Variants in CMIP observed in about 807,000 individuals in gnomAD.
CMIP encodes the protein c-Maf inducing protein.
CMIP carries 13 observed loss-of-function variants against 97.3 expected under a neutral mutation model. That is an observed-to-expected ratio of 0.13 (90% CI 0.09 to 0.21). CMIP has a LOEUF of 0.21. CMIP is among the 10% of genes least tolerant of loss of function. CMIP has a pLI of 1.00. For synonymous variants in CMIP, 538 were observed against 436.3 expected (o/e 1.23, Z -2.91); for missense variants, 847 against 1,024.9 (o/e 0.83, Z 2.37).
In CMIP at chr16:81,603,502, A is replaced by C. The variant is rs1374904043; in HGVS notation, c.301-4065A>C. 8.8e-6 allele frequency: 4 copies of C among 453,036 alleles called. No homozygotes were observed. The East Asian group carries it at 2.8e-4, about 31-fold the overall frequency. 28.1% of individuals were successfully genotyped at this position (453,036 alleles called of 1,614,324 possible). Reference sequence around the variant, plus strand: ...CTGCTTCCCCAGCTGCTAGTATCTTAGTCTGTGGGCTGCGTTTGTCACAAC... The same window carrying C: ...CTGCTTCCCCAGCTGCTAGTATCTTCGTCTGTGGGCTGCGTTTGTCACAAC... On this transcript the variant is annotated intron_variant, in intron 1 of 20. Coordinates refer to ENST00000537098, the MANE Select transcript of CMIP (RefSeq NM_198390.3).
At chr16:81,705,423 TC>T (rs1908019811) in intron 18 of CMIP, 75 bp from the exon 19 acceptor site, 1 of 1,087,970 alleles carries the variant, frequency 9.2e-7, no homozygotes, top group Non-Finnish European at 1.4e-6. Context: ...ATCCCTTTCC[TC>T]CACCTCTGCC....
chr16:81,606,288 A>C (rs1369918198), intron 1 of CMIP, among the ~76,000 whole-genome samples: 1 of 152,208 alleles, frequency 6.6e-6, no homozygotes, highest in African/African-American at 2.4e-5. Context: ...GATGACCTTG[A>C]TACCTGTTCC....
At chr16:81,531,615 G>A (rs969542515) in intron 1 of CMIP, among the ~76,000 whole-genome samples, 9 of 152,228 alleles carry the variant, frequency 5.9e-5, no homozygotes, top group African/African-American at 1.2e-4. Flanking sequence ...GGCTTGAGGA[G>A]GCTCGGGCCA....
chr16:81,525,064 G>C (rs982572787), intron 1 of CMIP, among the ~76,000 whole-genome samples: 2 of 151,984 alleles, frequency 1.3e-5, no homozygotes, highest in Admixed American at 1.3e-4. Context: ...CCAAAGTACT[G>C]GGATTACAGG....
chr16:81,695,537 C>G (rs902528033), intron 13 of CMIP: 2 of 152,246 alleles, frequency 1.3e-5, no homozygotes, highest in African/African-American at 4.8e-5. Context: ...AGGAACTTCT[C>G]TCAGCTTTCT....
chr16:81,522,142 C>T (rs986911402), intron 1 of CMIP, among the ~76,000 whole-genome samples: 1 of 152,202 alleles, frequency 6.6e-6, no homozygotes, highest in Admixed American at 6.5e-5. Flanking sequence ...ATCTTTGCTT[C>T]TAGCTGGAAT....
chr16:81,445,404 C>G lies in CMIP; in HGVS notation c.163C>G (p.Leu55Val). The stretch of plus-strand genomic sequence containing the variant: ...TTGCAACGGGATGAGGTACAAACTG[C>G]TGCAGGAGGGCGACATTCAGGTCTG... ...LLCNGMRYKL[L>V]QEGDIQVCVI... The change falls in exon 1 of 21, where the codon CTG (leucine) becomes GTG (valine). Residue 55 changes from leucine to valine, a missense_variant. Transcript: ENST00000537098. 1.2e-6 allele frequency: 2 copies of G among 1,602,978 alleles called. No individual in the cohort carries two copies. Among genetic ancestry groups the G allele is most frequent in the Non-Finnish European group, 1.7e-6 (2 of 1,175,038 alleles).
chr16:81,694,408 G>A (rs1906464723), intron 13 of CMIP, among the ~76,000 whole-genome samples: 1 of 152,228 alleles, frequency 6.6e-6, no homozygotes, highest in Non-Finnish European at 1.5e-5. Flanking sequence ...GCTTCCTGGA[G>A]AAGGTGGTAC....
In CMIP at chr16:81,444,948, C is replaced by T. The variant is rs1010828923; in HGVS notation, c.-294C>T. Reference sequence around the variant, plus strand: ...GCGCCTGGCCCCGGCCCGCCCTCGGCCTCCCCCGCCCCTCCCCGTCGCCCG... The same window carrying T: ...GCGCCTGGCCCCGGCCCGCCCTCGGTCTCCCCCGCCCCTCCCCGTCGCCCG... On this transcript the variant is annotated 5_prime_UTR_variant, in exon 1 of 21. Coordinates refer to ENST00000537098, the MANE Select transcript of CMIP (RefSeq NM_198390.3). Among the ~76,000 whole-genome samples the T allele has an allele frequency of 3.7e-5, 5 of 135,954 alleles. No individual in the cohort carries two copies. The highest frequency in any genetic ancestry group is 1.3e-4 in the African/African-American group (5 of 37,738). The allele number at this position is 135,954 out of a possible 152,430, so 89.2% of individuals were successfully genotyped here. A position where few individuals can be genotyped will look rare whatever the true frequency, so the allele number is the denominator to read the frequency against.
chr16:81,689,310 C>A (rs1905788109), intron 10 of CMIP, among the ~76,000 whole-genome samples: 1 of 152,214 alleles, frequency 6.6e-6, no homozygotes, highest in Non-Finnish European at 1.5e-5. Context: ...CACATCCTCT[C>A]CAGCACCTGT....
At chr16:81,645,591 T>A (rs1253598395) in intron 3 of CMIP, 4 of 1,536,020 alleles carry the variant, frequency 2.6e-6, no homozygotes, top group Non-Finnish European at 3.5e-6. Context: ...ATGGCAAGTG[T>A]TGCCCAGGTA....
At chr16:81,626,972 G>T (rs2092080651) in intron 3 of CMIP, among the ~76,000 whole-genome samples, 1 of 149,886 alleles carries the variant, frequency 6.7e-6, no homozygotes, top group South Asian at 2.1e-4. Flanking sequence ...TGTGGCATAT[G>T]GGGCGACTAT....
chr16:81,467,050 C>T (rs927986580), intron 1 of CMIP, among the ~76,000 whole-genome samples: 5 of 152,230 alleles, frequency 3.3e-5, no homozygotes, highest in African/African-American at 4.8e-5. Context: ...TGTCCATCCT[C>T]GCTGGGCAGG....
chr16:81,674,282 G>A (rs1408822432), intron 9 of CMIP, among the ~76,000 whole-genome samples: 1 of 152,196 alleles, frequency 6.6e-6, no homozygotes, highest in Non-Finnish European at 1.5e-5. Flanking sequence ...GAAGCCAGAG[G>A]GTAGTATCAG....
intron 2 of CMIP, among the ~76,000 whole-genome samples, chr16:81,608,072 T>C (rs577909895): frequency 6.6e-6 from 1 of 152,366 alleles, no homozygotes; most frequent in East Asian, 1.9e-4. Context: ...ACTGACTTTT[T>C]GCATTACTTT....
intron 1 of CMIP, among the ~76,000 whole-genome samples, chr16:81,459,342 G>A (rs569545629): frequency 9.2e-5 from 14 of 152,264 alleles, no homozygotes; most frequent in Non-Finnish European, 1.8e-4. Context: ...GGGTGTGCCC[G>A]TGGCCCTGTG....
intron 1 of CMIP, 141 bp from the exon 2 acceptor site, chr16:81,607,426 T>G: frequency 9.4e-7 from 1 of 1,062,238 alleles, no homozygotes. Flanking sequence ...CTTGCTTTGG[T>G]CACCAGAGGT....
At chr16:81,570,970 A>G (rs1357365664) in intron 1 of CMIP, among the ~76,000 whole-genome samples, 2 of 152,178 alleles carry the variant, frequency 1.3e-5, no homozygotes, top group Non-Finnish European at 2.9e-5. Context: ...GACATTAGAG[A>G]AAAAAACTGA....
At position 81,614,874 on chromosome 16, in the gene CMIP, G is replaced by T. The variant is rs1229165953; in HGVS notation, c.427-6002G>T. Among the ~76,000 whole-genome samples, 2 of 151,556 alleles carry T rather than the reference G, an allele frequency of 1.3e-5. No homozygotes were observed. Among genetic ancestry groups the T allele is most frequent in the Non-Finnish European group, 2.9e-5 (2 of 67,870 alleles). ...TGTATCTCTGTGTGTGCATGTGTGTGTGGTATGTGCATGTGTGTGTGTCCT... is the reference window on the plus strand; with the variant it reads ...TGTATCTCTGTGTGTGCATGTGTGTTTGGTATGTGCATGTGTGTGTGTCCT... On this transcript the variant is annotated intron_variant, in intron 2 of 20. Transcript: ENST00000537098. This position sits in a 1 kb window ranked among gnomAD's most constrained non-coding sequence, Gnocchi z 5.3.
Sources: allele counts gnomAD v4.1 joint callset (sites outside exome capture counted in the v4.1 genomes callset), GRCh38; gene constraint gnomAD v4.1.1; non-coding constraint Gnocchi (gnomAD v3.1); transcripts MANE v1.5; gene names NCBI Gene and HGNC (gene_info 2026-07-23, HGNC 2026-07-21).